The following RASA1 variants were observed in gnomAD, a reference collection of about 807,000 sequenced individuals.
RASA1 encodes the protein ras GTPase-activating protein 1.
In RASA1, 25 loss-of-function variants were observed where a neutral mutation model predicts 132.2. That is an observed-to-expected ratio of 0.19 (90% CI 0.14 to 0.26). RASA1 has a LOEUF of 0.26. RASA1 is among the 10% of genes least tolerant of loss of function. The pLI, the probability that RASA1 is intolerant of heterozygous loss-of-function variation, is 1.00. For missense variants in RASA1, 964 were observed against 1,299.2 expected, an observed-to-expected ratio of 0.74 and a Z score of 3.97; for synonymous variants, 477 against 449.9, an observed-to-expected ratio of 1.06 and a Z score of -0.76.
At chr5:87,338,135 T>C (rs1189725974) in intron 5 of RASA1, 44 bp downstream of exon 5, 2 of 1,608,000 alleles carry the variant, frequency 1.2e-6, no homozygotes, top group Middle Eastern at 3.3e-4. Flanking sequence ...TCTAAATATT[T>C]TATAAATTTG....
In RASA1 at chr5:87,315,455, A is replaced by C. The variant is rs543677335; in HGVS notation, c.540-15893A>C. ...TCTAATCCTCACAAAGGTAGGCCTC[A>C]CAAAGGCCCTACCACCAAATACTGT... On this transcript the variant is annotated intron_variant, in intron 1 of 24. Coordinates refer to ENST00000274376, the MANE Select transcript of RASA1 (RefSeq NM_002890.3). 4.8e-4 allele frequency among the ~76,000 whole-genome samples: 73 copies of C among 152,320 alleles called. 1 individual carries two copies. The South Asian group carries it at 0.014, about 29-fold the overall frequency.
chr5:87,268,522 C>T lies in RASA1; in HGVS notation c.71C>T (p.Ala24Val). ...VTAGAGGGGA[A>V]AGSSAYPAVC... is the part of the protein sequence containing the mutation. The stretch of plus-strand genomic sequence containing the variant: ...GCCGGAGCTGGAGGAGGCGGCGCGG[C>T]AGCGGGCTCCAGTGCCTATCCCGCA... The change falls in exon 1 of 25, where the codon GCA (alanine) becomes GTA (valine). Residue 24 changes from alanine (A) to valine (V), a missense_variant. By Grantham distance (64) the Ala-to-Val change is moderately conservative. This residue lies in a region of RASA1 where 326 missense variants were observed against 275.8 expected (regional missense o/e 1.18). Transcript: ENST00000274376. 2 of 1,582,964 alleles carry T rather than the reference C, an allele frequency of 1.3e-6. No individual in the cohort carries two copies. The highest frequency in any genetic ancestry group is 1.1e-5 in the South Asian group (1 of 86,966).
At chr5:87,357,500 TCAAGACCATCC>T (rs2112442511) in intron 9 of RASA1, among the ~76,000 whole-genome samples, 2 of 152,266 alleles carry the variant, frequency 1.3e-5, no homozygotes, top group South Asian at 4.1e-4. Flanking sequence ...TAAGTTTTGA[TCAAGACCATCC>T]TGGCTAACAC....
intron 1 of RASA1, among the ~76,000 whole-genome samples, chr5:87,287,541 T>C (rs1754685476): frequency 6.9e-6 from 1 of 145,936 alleles, no homozygotes; most frequent in Non-Finnish European, 1.5e-5. Context: ...ATATACCATA[T>C]ATACACACCA....
intron 1 of RASA1, 50 bp downstream of exon 1, chr5:87,269,040 A>G (rs1753702950): frequency 6.2e-7 from 1 of 1,614,072 alleles, no homozygotes; most frequent in Non-Finnish European, 8.5e-7. Context: ...TCCAGAAAAG[A>G]AGTGGAAATG....
intron 1 of RASA1, among the ~76,000 whole-genome samples, chr5:87,272,719 A>G (rs1753899708): frequency 6.6e-6 from 1 of 152,158 alleles, no homozygotes; most frequent in Non-Finnish European, 1.5e-5. Context: ...TATTTTACAG[A>G]ATGTTTTGAA....
intron 11 of RASA1, among the ~76,000 whole-genome samples, chr5:87,369,347 G>C (rs1042130752): frequency 6.6e-6 from 1 of 151,748 alleles, no homozygotes; most frequent in Non-Finnish European, 1.5e-5. Flanking sequence ...ATGAAGAGAT[G>C]ATGTTTCCAT....
Position 87,388,344 on chromosome 5 carries a change from T to C in RASA1, c.2926-1049T>C, listed in dbSNP as rs148647717. ...ACTGGTAATCCAAGCCCTTGTTAAA[T>C]GTTATTCCAAGGCTTAAAATAACAC... On this transcript the variant is annotated intron_variant, in intron 23 of 24. Coordinates refer to ENST00000274376, the MANE Select transcript of RASA1 (RefSeq NM_002890.3). Among the ~76,000 whole-genome samples the C allele has an allele frequency of 9.2e-5, 14 of 152,352 alleles. No homozygotes were observed. In the East Asian group the frequency reaches 2.5e-3, roughly 27 times the overall value.
At chr5:87,359,178 G>A (rs1321005897) in intron 9 of RASA1, among the ~76,000 whole-genome samples, 2 of 152,106 alleles carry the variant, frequency 1.3e-5, no homozygotes, top group Non-Finnish European at 2.9e-5. Context: ...ATTAAATGGC[G>A]TTTTCCTACA....
At chr5:87,360,087 A>G (rs1277908325) in intron 9 of RASA1, among the ~76,000 whole-genome samples, 1 of 149,722 alleles carries the variant, frequency 6.7e-6, no homozygotes, top group Non-Finnish European at 1.5e-5. Flanking sequence ...ACTGGAATCT[A>G]GCTTATTCTT....
At chr5:87,289,321 G>A (rs957116622) in intron 1 of RASA1, among the ~76,000 whole-genome samples, 1 of 151,924 alleles carries the variant, frequency 6.6e-6, no homozygotes, top group Admixed American at 6.6e-5. Flanking sequence ...GGTTAAGGTG[G>A]GTTGCACCAG....
intron 1 of RASA1, among the ~76,000 whole-genome samples, chr5:87,307,941 G>A (rs1755696667): frequency 6.6e-6 from 1 of 152,188 alleles, no homozygotes; most frequent in African/African-American, 2.4e-5. Context: ...GTGTTAGGCA[G>A]ATAGAATGCA....
chr5:87,275,757 G>T (rs1404611206), intron 1 of RASA1, among the ~76,000 whole-genome samples: 1 of 152,120 alleles, frequency 6.6e-6, no homozygotes, highest in Non-Finnish European at 1.5e-5. Context: ...TTTTCATGGA[G>T]ATGGGGTTTC....
intron 22 of RASA1, 99 bp downstream of exon 22, chr5:87,385,488 T>A (rs1393814315): frequency 1.1e-6 from 1 of 883,714 alleles, no homozygotes; most frequent in African/African-American, 1.7e-5. Context: ...GCAGTGAAAT[T>A]TTTAGCGATG....
At chr5:87,375,222 T>A (rs1481380024) in intron 15 of RASA1, among the ~76,000 whole-genome samples, 2 of 152,122 alleles carry the variant, frequency 1.3e-5, no homozygotes, top group Non-Finnish European at 2.9e-5. Flanking sequence ...TTTGTAGGGC[T>A]TGCCCTCATC....
At chr5:87,346,754 G>T (rs753997135) in intron 7 of RASA1, 30 bp downstream of exon 7, 2 of 1,463,186 alleles carry the variant, frequency 1.4e-6, no homozygotes, top group Non-Finnish European at 1.9e-6. Flanking sequence ...CTTTTCTAAT[G>T]TCTATTTAAA....
At position 87,376,194 on chromosome 5, in the gene RASA1, T is replaced by A. The variant is rs768224355; in HGVS notation, c.2012-199T>A. 21 of 637,468 alleles carry A rather than the reference T, an allele frequency of 3.3e-5. 1 individual carries two copies. Among genetic ancestry groups the A allele is most frequent in the Non-Finnish European group, 5.4e-5 (20 of 368,402 alleles). The allele number at this position is 637,468 out of a possible 1,614,324, so 39.5% of individuals were successfully genotyped here. The stretch of plus-strand genomic sequence containing the variant: ...GAACACATCTCAATCATCTCTGTAC[T>A]CTCTACCTATCAGAGTTTAGTGCAC... On this transcript the variant is annotated intron_variant, in intron 15 of 24. Transcript: ENST00000274376.
intron 1 of RASA1, among the ~76,000 whole-genome samples, chr5:87,310,040 A>G (rs957281859): frequency 6.6e-6 from 1 of 152,144 alleles, no homozygotes; most frequent in Non-Finnish European, 1.5e-5. Context: ...AAAAGAAGAA[A>G]GAGAGGTAAT....
intron 1 of RASA1, among the ~76,000 whole-genome samples, chr5:87,289,889 A>G (rs1327229868): frequency 2.0e-5 from 3 of 152,000 alleles, no homozygotes; most frequent in African/African-American, 4.8e-5. Flanking sequence ...GATCACAGGC[A>G]TGAGCCACCG....
Sources: gnomAD v4.1 joint callset for allele counts (sites outside exome capture counted in the v4.1 genomes callset) on GRCh38, gnomAD v4.1.1 for gene constraint, gnomAD v4.1.1 regional missense constraint, MANE v1.5 for transcripts, NCBI Gene and HGNC (gene_info 2026-07-23, HGNC 2026-07-21) for gene names.